CCDC146: variants seen among roughly 807,000 people sequenced by gnomAD.
The protein encoded by CCDC146 is coiled-coil domain containing 146, also known as coiled-coil domain-containing protein 146.
In CCDC146, 92 loss-of-function variants were observed where a neutral mutation model predicts 119.3. The observed-to-expected ratio is 0.77, with a 90% CI of 0.65 to 0.92. CCDC146 has a LOEUF of 0.92. Among genes scored for constraint, CCDC146 ranks in the 40% least tolerant of loss-of-function variants. The probability of loss-of-function intolerance (pLI) is 0.00; values close to 1 mark genes in which losing one functional copy is unlikely to be tolerated. For synonymous variants in CCDC146, 372 were observed against 371.8 expected (o/e 1.00, Z -0.01); for missense variants, 1,000 against 1,103.0 (o/e 0.91, Z 1.32).
At position 77,206,672 on chromosome 7, in the gene CCDC146, T is replaced by TAC. The variant is rs1016831306; in HGVS notation, c.157-30257_157-30256dup. Among the ~76,000 whole-genome samples, 355 of 130,746 alleles carry TAC rather than the reference T, an allele frequency of 2.7e-3. 1 individual carries two copies. The highest frequency in any genetic ancestry group is 0.022 in the East Asian group (102 of 4,668). 85.8% of individuals were successfully genotyped at this position (130,746 alleles called of 152,430 possible). ...ACATATATATATATATATATATATA[T>TAC]ACACACACACACACACACATACATA... On this transcript the variant is annotated intron_variant, in intron 2 of 18. Transcript: ENST00000285871.
chr7:77,232,918 G>A (rs139478506), intron 2 of CCDC146, among the ~76,000 whole-genome samples: 184 of 152,312 alleles, frequency 1.2e-3, no homozygotes, highest in African/African-American at 4.1e-3. Context: ...AAGCTAGAGG[G>A]ATGGATGCAG....
intron 6 of CCDC146, among the ~76,000 whole-genome samples, chr7:77,256,884 A>G (rs1793190428): frequency 6.6e-6 from 1 of 152,162 alleles, no homozygotes; most frequent in Non-Finnish European, 1.5e-5. Flanking sequence ...GCGGTGGATC[A>G]CCTGAGGTTA....
At position 77,124,558 on chromosome 7, in the gene CCDC146, T is replaced by C. The variant is rs1790667554; in HGVS notation, c.-12+1826T>C. Among the ~76,000 whole-genome samples, 6 of 152,330 alleles carry C rather than the reference T, an allele frequency of 3.9e-5. No individual in the cohort carries two copies. In the South Asian group the frequency reaches 1.2e-3, roughly 32 times the overall value. On this transcript the variant is annotated intron_variant, in intron 1 of 18. Transcript: ENST00000285871. ...AGAAGGTCTGGCCCTTTTATCACTCTACCAAAACGTCCATTTTCCTGACAC... is the reference window on the plus strand; with the variant it reads ...AGAAGGTCTGGCCCTTTTATCACTCCACCAAAACGTCCATTTTCCTGACAC...
intron 2 of CCDC146, among the ~76,000 whole-genome samples, chr7:77,208,103 G>A (rs191972665): frequency 2.7e-3 from 415 of 152,260 alleles, no homozygotes; most frequent in African/African-American, 9.4e-3. Context: ...TTGGCCTTAT[G>A]CAGGGTTCAG....
intron 2 of CCDC146, among the ~76,000 whole-genome samples, chr7:77,179,260 T>C (rs1036579761): frequency 4.9e-4 from 75 of 152,154 alleles, no homozygotes; most frequent in Admixed American, 1.1e-3. Context: ...GCTAGTTTTA[T>C]TTATATAAAG....
chr7:77,282,886 T>C (rs944909489), intron 15 of CCDC146, 101 bp downstream of exon 15: 29 of 738,408 alleles, frequency 3.9e-5, no homozygotes, highest in Non-Finnish European at 6.2e-5. Context: ...CCATACTATT[T>C]CTGGGACCTA....
rs544466056 is a variant in CCDC146, at chr7:77,224,967, A to G, written c.157-11980A>G. ...CAGAGCAGAGACTACTCTTTTGAGA[A>G]GAATTGAAATGAAAAGTCAAGGAGA... On this transcript the variant is annotated intron_variant, in intron 2 of 18. Coordinates refer to ENST00000285871, the MANE Select transcript of CCDC146 (RefSeq NM_020879.3). Among the ~76,000 whole-genome samples, 3 of 152,344 alleles carry G rather than the reference A, an allele frequency of 2.0e-5. No homozygotes were observed. In the East Asian group the frequency reaches 5.8e-4, roughly 29 times the overall value.
At chr7:77,243,539 A>G (rs1213091531) in intron 4 of CCDC146, among the ~76,000 whole-genome samples, 1 of 152,228 alleles carries the variant, frequency 6.6e-6, no homozygotes, top group African/African-American at 2.4e-5. Context: ...CATGCACCAC[A>G]TAATGGTGTT....
Position 77,280,411 on chromosome 7 carries a change from G to A in CCDC146, c.1695-18G>A. On this transcript the variant is annotated intron_variant, in intron 13 of 18. Coordinates refer to ENST00000285871, the MANE Select transcript of CCDC146 (RefSeq NM_020879.3). The stretch of plus-strand genomic sequence containing the variant: ...AAAGAAAATTATAATCTTACCCATT[G>A]TCTTATTACTTTAAAAGAAAGCTAC... 6.3e-7 allele frequency: 1 copy of A among 1,575,634 alleles called. No individual in the cohort carries two copies. Among genetic ancestry groups the A allele is most frequent in the Non-Finnish European group, 8.6e-7 (1 of 1,156,176 alleles).
At chr7:77,252,256 G>T (rs1001766338) in intron 4 of CCDC146, among the ~76,000 whole-genome samples, 1 of 152,056 alleles carries the variant, frequency 6.6e-6, no homozygotes, top group African/African-American at 2.4e-5. Flanking sequence ...ATATGATTAT[G>T]AAAAAAATTG....
At chr7:77,225,028 G>A (rs1468604789) in intron 2 of CCDC146, among the ~76,000 whole-genome samples, 1 of 152,190 alleles carries the variant, frequency 6.6e-6, no homozygotes, top group African/African-American at 2.4e-5. Context: ...CTATGCCCAA[G>A]ATGGATTTTG....
At chr7:77,227,585 G>A (rs1037498781) in intron 2 of CCDC146, among the ~76,000 whole-genome samples, 4 of 152,194 alleles carry the variant, frequency 2.6e-5, no homozygotes, top group Admixed American at 2.0e-4. Flanking sequence ...CATTACAGGC[G>A]TGAGCCACGG....
intron 1 of CCDC146, among the ~76,000 whole-genome samples, chr7:77,125,076 C>T (rs1045900938): frequency 6.6e-6 from 1 of 151,844 alleles, no homozygotes; most frequent in Non-Finnish European, 1.5e-5. Flanking sequence ...CACCTGTAAT[C>T]CCAGCTACTC....
chr7:77,139,836 G>A (rs1411707389), intron 1 of CCDC146, among the ~76,000 whole-genome samples: 12 of 151,194 alleles, frequency 7.9e-5, no homozygotes, highest in Non-Finnish European at 1.6e-4. Context: ...AGGATACAAG[G>A]TCAAAAACAA....
At position 77,196,771 on chromosome 7, in the gene CCDC146, T is replaced by A; in HGVS notation, c.156+28947T>A. The A allele has an allele frequency of 1.2e-6, 2 of 1,614,210 alleles. No homozygotes were observed. The highest frequency in any genetic ancestry group is 1.7e-6 in the Non-Finnish European group (2 of 1,180,030). On this transcript the variant is annotated intron_variant, in intron 2 of 18. Coordinates refer to ENST00000285871, the MANE Select transcript of CCDC146 (RefSeq NM_020879.3). The surrounding 1 kb of genome is among the most constrained non-coding windows in gnomAD (Gnocchi z 4.2). ...CCAGCCAAAATTCCCTTCTGAGGTT[T>A]CCAAAGCCTGCTTTGTAGTCTTGCC...
Position 77,253,366 on chromosome 7 carries a change from C to T in CCDC146, c.450-1140C>T, listed in dbSNP as rs577536465. Among the ~76,000 whole-genome samples, 6 of 152,282 alleles carry T rather than the reference C, an allele frequency of 3.9e-5. No homozygotes were observed. The East Asian group carries it at 9.7e-4, about 24-fold the overall frequency. ...CACACAAAACTGAAACTGAGCTCTT[C>T]AAATAACCCTTCTTCACACCTTTGA... On this transcript the variant is annotated intron_variant, in intron 4 of 18. Coordinates refer to ENST00000285871, the MANE Select transcript of CCDC146 (RefSeq NM_020879.3).
chr7:77,287,740 G>T (rs1489174276), intron 17 of CCDC146, among the ~76,000 whole-genome samples, 163 bp downstream of exon 17: 1 of 152,130 alleles, frequency 6.6e-6, no homozygotes, highest in Non-Finnish European at 1.5e-5. Context: ...TGTCCAAAAT[G>T]TTTCAATCTT....
chr7:77,212,980 A>T, intron 2 of CCDC146, among the ~76,000 whole-genome samples: 10 of 98,974 alleles, frequency 1.0e-4, no homozygotes, highest in African/African-American at 2.2e-4. Flanking sequence ...TGCCAAGGCT[A>T]CTTTCTAGGT....
intron 2 of CCDC146, among the ~76,000 whole-genome samples, chr7:77,186,735 A>T (rs1791673574): frequency 6.6e-6 from 1 of 152,202 alleles, no homozygotes; most frequent in African/African-American, 2.4e-5. Flanking sequence ...ACAATTCACG[A>T]ATCAGGCAGC....
Sources: gnomAD v4.1 joint callset for allele counts (sites outside exome capture counted in the v4.1 genomes callset) on GRCh38, gnomAD v4.1.1 for gene constraint, Gnocchi (gnomAD v3.1) non-coding constraint, MANE v1.5 for transcripts, NCBI Gene and HGNC (gene_info 2026-07-23, HGNC 2026-07-21) for gene names.